Variants in ATP9B observed in about 807,000 individuals in gnomAD.
The protein encoded by ATP9B is probable phospholipid-transporting ATPase IIB.
ATP9B carries 110 observed loss-of-function variants against 146.1 expected under a neutral mutation model. The ratio of observed to expected loss-of-function variants is 0.75; its 90% CI spans 0.65 to 0.88. The LOEUF is 0.88. ATP9B is among the 40% of genes least tolerant of loss of function. The pLI is 0.00. For missense variants in ATP9B, 1,499 were observed against 1,496.4 expected (o/e 1.00, Z -0.03); for synonymous variants, 604 against 569.7 (o/e 1.06, Z -0.86).
intron 9 of ATP9B, among the ~76,000 whole-genome samples, chr18:79,201,575 C>G (rs974381066): frequency 3.9e-5 from 6 of 151,952 alleles, no homozygotes; most frequent in African/African-American, 1.5e-4. Context: ...ACCTAATTTA[C>G]TTCTTTATTT....
intron 4 of ATP9B, chr18:79,117,466 A>G (rs935190586): frequency 6.6e-6 from 1 of 152,302 alleles, no homozygotes; most frequent in South Asian, 2.1e-4. Context: ...TCTTACTGGT[A>G]AAACAGTCAG....
intron 15 of ATP9B, among the ~76,000 whole-genome samples, chr18:79,319,674 G>C (rs2096704544): frequency 6.6e-6 from 1 of 152,164 alleles, no homozygotes; most frequent in Non-Finnish European, 1.5e-5. Context: ...AAACCGGCCT[G>C]AAGAATATCT....
At chr18:79,364,265 C>CAAAAAAAAA (rs950562390) in intron 26 of ATP9B, 3 of 95,126 alleles carry the variant, frequency 3.2e-5, no homozygotes, top group African/African-American at 1.2e-4. Context: ...AACTCCGTCT[C>CAAAAAAAAA]AAAAAAAAAA....
At position 79,308,229 on chromosome 18, in the gene ATP9B, G is replaced by T. The variant is rs543002994; in HGVS notation, c.1773+995G>T. 5.9e-5 allele frequency among the ~76,000 whole-genome samples: 9 copies of T among 152,216 alleles called. 1 individual carries two copies. The highest frequency in any genetic ancestry group is 1.7e-4 in the African/African-American group (7 of 41,530). On this transcript the variant is annotated intron_variant, in intron 15 of 29. Transcript: ENST00000426216. ...AGGAACTGGAACCTGCATGCACTGT[G>T]GGTGGGATTGGAACAGGGTGCAGCC...
chr18:79,185,291 C>G (rs577094409), intron 8 of ATP9B, among the ~76,000 whole-genome samples: 1 of 152,218 alleles, frequency 6.6e-6, no homozygotes, highest in East Asian at 1.9e-4. Context: ...TTGAGTAATG[C>G]TCTTTGCCAT....
At chr18:79,273,059 A>T (rs1326222862) in intron 12 of ATP9B, among the ~76,000 whole-genome samples, 2 of 152,232 alleles carry the variant, frequency 1.3e-5, no homozygotes, top group Non-Finnish European at 2.9e-5. Context: ...CTGCAGTGGC[A>T]GGTGGCCGTG....
intron 12 of ATP9B, among the ~76,000 whole-genome samples, chr18:79,264,672 G>GTT (rs376441505): frequency 0.01 from 1,506 of 146,620 alleles, 9 homozygotes; most frequent in East Asian, 0.035. Flanking sequence ...AGTGTTTTTT[G>GTT]TTTTTTTTTT....
chr18:79,168,932 C>T (rs546883932), intron 7 of ATP9B, among the ~76,000 whole-genome samples: 12 of 152,242 alleles, frequency 7.9e-5, no homozygotes, highest in Admixed American at 1.3e-4. Flanking sequence ...CTGTCCTTCT[C>T]TCTTCTCCTC....
intron 17 of ATP9B, among the ~76,000 whole-genome samples, chr18:79,331,905 G>C (rs2096792040): frequency 6.6e-6 from 1 of 152,112 alleles, no homozygotes; most frequent in South Asian, 2.1e-4. Context: ...TATTGTAAAG[G>C]AAACAAGTAC....
chr18:79,286,217 C>T lies in ATP9B; in HGVS notation c.1411+9021C>T, dbSNP rs1047354660. Among the ~76,000 whole-genome samples, 253 of 152,160 alleles carry T rather than the reference C, an allele frequency of 1.7e-3. 4 individuals are homozygous for T. The highest frequency in any genetic ancestry group is 5.7e-3 in the African/African-American group (237 of 41,514). ...TATAAATTACCTTGGGCAGTACGGCCATTTTCATGATATTGATTCTTCCTA... is the reference window on the plus strand; with the variant it reads ...TATAAATTACCTTGGGCAGTACGGCTATTTTCATGATATTGATTCTTCCTA... On this transcript the variant is annotated intron_variant, in intron 13 of 29. Transcript: ENST00000426216.
intron 2 of ATP9B, among the ~76,000 whole-genome samples, chr18:79,106,532 C>T (rs2075663153): frequency 1.3e-5 from 2 of 152,206 alleles, no homozygotes; most frequent in South Asian, 2.1e-4. Flanking sequence ...AGGCCTTTCA[C>T]ACCTCATGCC....
chr18:79,152,625 A>G (rs1217183932), intron 6 of ATP9B, among the ~76,000 whole-genome samples: 2 of 152,188 alleles, frequency 1.3e-5, no homozygotes, highest in Non-Finnish European at 2.9e-5. Context: ...AATGACGACA[A>G]TTCAGTGGGG....
chr18:79,117,797 T>G (rs758641585), intron 4 of ATP9B: 14 of 152,242 alleles, frequency 9.2e-5, no homozygotes, highest in Non-Finnish European at 1.9e-4. Context: ...CTGTTTCTCC[T>G]TTCTTTTCTC....
chr18:79,236,598 G>A (rs956880505), intron 11 of ATP9B, among the ~76,000 whole-genome samples: 3 of 152,106 alleles, frequency 2.0e-5, no homozygotes, highest in African/African-American at 7.2e-5. Context: ...ATTGGTTTTT[G>A]TATATAAGAA....
At chr18:79,277,220 C>A (rs73001981) in intron 13 of ATP9B, 24 bp downstream of exon 13, 29 of 1,612,318 alleles carry the variant, frequency 1.8e-5, no homozygotes, top group Non-Finnish European at 2.3e-5. Flanking sequence ...TCTGTGTTCA[C>A]CTTTGAATGG....
chr18:79,266,679 T>C (rs912948541), intron 12 of ATP9B, among the ~76,000 whole-genome samples: 1 of 152,126 alleles, frequency 6.6e-6, no homozygotes, highest in African/African-American at 2.4e-5. Flanking sequence ...GAAATATTTT[T>C]CTAAATCTAT....
intron 12 of ATP9B, among the ~76,000 whole-genome samples, chr18:79,262,579 A>C (rs1250789950): frequency 6.6e-6 from 1 of 152,214 alleles, no homozygotes; most frequent in Non-Finnish European, 1.5e-5. Flanking sequence ...TGGGGAAACA[A>C]TTTGAAACAT....
At chr18:79,349,340 C>T (rs545927729) in intron 25 of ATP9B, among the ~76,000 whole-genome samples, 2 of 152,326 alleles carry the variant, frequency 1.3e-5, no homozygotes, top group East Asian at 1.9e-4. Flanking sequence ...TGGCGTTGAA[C>T]GTGCTTTCAT....
chr18:79,317,144 G>A (rs2096685294), intron 15 of ATP9B, among the ~76,000 whole-genome samples: 1 of 152,164 alleles, frequency 6.6e-6, no homozygotes, highest in Admixed American at 6.5e-5. Context: ...TTATAGGTCA[G>A]TTGTTTTGAG....
Sources: allele counts gnomAD v4.1 joint callset (sites outside exome capture counted in the v4.1 genomes callset), GRCh38; gene constraint gnomAD v4.1.1; transcripts MANE v1.5; gene names NCBI Gene and HGNC (gene_info 2026-07-23, HGNC 2026-07-21).